The following CHST4 variants were observed in gnomAD, a reference collection of about 807,000 sequenced individuals.
The protein encoded by CHST4 is GST-3.
For synonymous variants in CHST4, 171 were observed against 195.5 expected, an observed-to-expected ratio of 0.87 and a Z score of 1.05; for missense variants, 466 against 506.0, an observed-to-expected ratio of 0.92 and a Z score of 0.76.
chr16:71,537,664 T>C lies in CHST4; in HGVS notation c.987T>C (p.Asn329=). ...ACACAAATGCCAGGGATGCCCTTAA[T>C]GTCTCCCAGGCTTGGCGCTGGTCTT... ...AFHTNARDAL[N]VSQAWRWSLP... Residue 329 remains asparagine, a synonymous_variant, in exon 2 of 2, where the codon AAT becomes AAC. Transcript: ENST00000539698. The surrounding 1 kb of genome is among the most constrained non-coding windows in gnomAD (Gnocchi z 4.2). 1.2e-6 allele frequency: 2 copies of C among 1,614,216 alleles called. No individual in the cohort carries two copies. The highest frequency in any genetic ancestry group is 1.7e-6 in the Non-Finnish European group (2 of 1,180,032).
Position 71,536,696 on chromosome 16 carries a change from A to G in CHST4, c.19A>G (p.Met7Val). 4.7e-6 allele frequency: 7 copies of G among 1,491,960 alleles called. No homozygotes were observed. The East Asian group carries it at 1.6e-4, about 35-fold the overall frequency. The allele number at this position is 1,491,960 out of a possible 1,614,324, so 92.4% of individuals were successfully genotyped here. A position where few individuals can be genotyped will look rare whatever the true frequency, so the allele number is the denominator to read the frequency against. Residue 7 changes from methionine to valine, a missense_variant, in exon 2 of 2, where the codon ATG (methionine) becomes GTG (valine). Met to Val is a conservative substitution (Grantham distance 21). Coordinates refer to ENST00000539698, the MANE Select transcript of CHST4 (RefSeq NM_001166395.2). MLLPKK[M>V]KLLLFLVSQM... ...CAGCACAATGCTACTGCCTAAAAAA[A>G]TGAAGCTCCTGCTGTTTCTGGTTTC...
chr16:71,534,098 G>T (rs1347210393), intron 1 of CHST4, among the ~76,000 whole-genome samples: 4 of 151,910 alleles, frequency 2.6e-5, no homozygotes, highest in African/African-American at 9.7e-5. Flanking sequence ...AGCCTGGGGT[G>T]TGTCAGGCTG....
intron 1 of CHST4, among the ~76,000 whole-genome samples, chr16:71,532,594 A>G (rs2043956901): frequency 6.6e-6 from 1 of 152,186 alleles, no homozygotes; most frequent in African/African-American, 2.4e-5. Context: ...GGGACTTCCA[A>G]GGAAAACCCA....
At chr16:71,534,348 CTTTT>C (rs548597955) in intron 1 of CHST4, among the ~76,000 whole-genome samples, 2 of 123,408 alleles carry the variant, frequency 1.6e-5, no homozygotes, top group African/African-American at 6.1e-5. Flanking sequence ...ACATTTCTTT[CTTTT>C]TTTTTTTTTT....
In CHST4 at chr16:71,537,197, G is replaced by A. The variant is rs376525237; in HGVS notation, c.520G>A (p.Val174Met). 8.7e-6 allele frequency: 14 copies of A among 1,614,064 alleles called. No individual in the cohort carries two copies. Among genetic ancestry groups the A allele is most frequent in the African/African-American group, 6.7e-5 (5 of 74,930 alleles). ...GAAGGCCTGCCGCTCCTACAGCCAC[G>A]TGGTGCTCAAGGAGGTGCGCTTCTT... ...VEKACRSYSH[V>M]VLKEVRFFNL... Residue 174 changes from valine to methionine, a missense_variant, in exon 2 of 2, where the codon GTG (valine) becomes ATG (methionine). Val to Met is a conservative substitution (Grantham distance 21). Transcript: ENST00000539698. This position sits in a 1 kb window ranked among gnomAD's most constrained non-coding sequence, Gnocchi z 4.2.
chr16:71,528,304 T>A (rs2043923050), intron 1 of CHST4, among the ~76,000 whole-genome samples: 1 of 151,746 alleles, frequency 6.6e-6, no homozygotes, highest in Non-Finnish European at 1.5e-5. Flanking sequence ...TTTCAGATGG[T>A]TGGGGGGCCT....
intron 1 of CHST4, among the ~76,000 whole-genome samples, chr16:71,536,240 C>G (rs2043987541): frequency 6.6e-6 from 1 of 152,194 alleles, no homozygotes; most frequent in Non-Finnish European, 1.5e-5. Context: ...CCCTCTGTCT[C>G]TGCAGGAATC....
In CHST4 at chr16:71,537,663, A is replaced by C. The variant is rs1457155272; in HGVS notation, c.986A>C (p.Asn329Thr). 6.2e-7 allele frequency: 1 copy of C among 1,614,032 alleles called. No individual in the cohort carries two copies. Among genetic ancestry groups the C allele is most frequent in the Non-Finnish European group, 8.5e-7 (1 of 1,180,032 alleles). ...AFHTNARDAL[N>T]VSQAWRWSLP... ...CACACAAATGCCAGGGATGCCCTTA[A>C]TGTCTCCCAGGCTTGGCGCTGGTCT... Residue 329 changes from asparagine (N) to threonine (T), a missense_variant, in exon 2 of 2, where the codon AAT becomes ACT. By Grantham distance (65) the Asn-to-Thr change is moderately conservative. Transcript: ENST00000539698. The surrounding 1 kb of genome is among the most constrained non-coding windows in gnomAD (Gnocchi z 4.2).
At position 71,537,472 on chromosome 16, in the gene CHST4, G is replaced by A. The variant is rs1244178854; in HGVS notation, c.795G>A (p.Lys265=). Reference sequence around the variant, plus strand: ...ACAAGACCATCCAGTCCTTGCCCAAGGCCCTGCAGGAACGCTACCTGCTTG... The same window carrying A: ...ACAAGACCATCCAGTCCTTGCCCAAAGCCCTGCAGGAACGCTACCTGCTTG... ...EIYKTIQSLP[K]ALQERYLLVR... is the part of the protein sequence containing the mutation. The change falls in exon 2 of 2, where the codon AAG becomes AAA. Residue 265 remains lysine, a synonymous_variant. Coordinates refer to ENST00000539698, the MANE Select transcript of CHST4 (RefSeq NM_001166395.2). This position sits in a 1 kb window ranked among gnomAD's most constrained non-coding sequence, Gnocchi z 4.2. The A allele has an allele frequency of 1.2e-6, 2 of 1,614,054 alleles. No homozygotes were observed. The highest frequency in any genetic ancestry group is 1.7e-6 in the Non-Finnish European group (2 of 1,180,048).
At position 71,526,499 on chromosome 16, in the gene CHST4, A is replaced by G. The variant is rs1056260077; in HGVS notation, c.-19+4A>G. 6.6e-6 allele frequency: 1 copy of G among 152,362 alleles called. No individual in the cohort carries two copies. The highest frequency in any genetic ancestry group is 2.4e-5 in the African/African-American group (1 of 41,454). The allele number at this position is 152,362 out of a possible 1,614,324, so 9.4% of individuals were successfully genotyped here. A position where few individuals can be genotyped will look rare whatever the true frequency, so the allele number is the denominator to read the frequency against. On this transcript the variant is annotated splice_donor_region_variant and intron_variant, in intron 1 of 1. Coordinates refer to ENST00000539698, the MANE Select transcript of CHST4 (RefSeq NM_001166395.2). ...GCAGGGAAGCCCAAGCCACAAGGTA[A>G]GAAGAGAATTTCTGTGTACGACTCC...
intron 1 of CHST4, among the ~76,000 whole-genome samples, chr16:71,529,064 G>A (rs1287526358): frequency 6.6e-6 from 1 of 151,298 alleles, no homozygotes. Flanking sequence ...TGGTGATGAT[G>A]GAATGTGCTG....
chr16:71,528,817 G>A (rs999924926), intron 1 of CHST4, among the ~76,000 whole-genome samples: 3 of 152,102 alleles, frequency 2.0e-5, no homozygotes, highest in African/African-American at 4.8e-5. Context: ...ACATGGTACC[G>A]ATTTGGGGGA....
Position 71,537,083 on chromosome 16 carries a change from C to T in CHST4, c.406C>T (p.Pro136Ser). The change falls in exon 2 of 2, where the codon CCT (proline) becomes TCT (serine). Residue 136 changes from proline to serine, a missense_variant. Physicochemically the swap from Pro to Ser is moderately conservative, Grantham distance 74 (BLOSUM62 -1). Coordinates refer to ENST00000539698, the MANE Select transcript of CHST4 (RefSeq NM_001166395.2). This position sits in a 1 kb window ranked among gnomAD's most constrained non-coding sequence, Gnocchi z 4.2. ...GAACAGCCGGGCCCTGTGTTCTGCACCTGCCTGTGACATCATCCCACAAGA... is the reference window on the plus strand; with the variant it reads ...GAACAGCCGGGCCCTGTGTTCTGCATCTGCCTGTGACATCATCCCACAAGA... ...WENSRALCSA[P>S]ACDIIPQDEI... 6.2e-7 allele frequency: 1 copy of T among 1,614,174 alleles called. No homozygotes were observed.
rs893017377 is a variant in CHST4 at position 71,537,953 on chromosome 16, T to C, written c.*115T>C. On this transcript the variant is annotated 3_prime_UTR_variant, in exon 2 of 2. Coordinates refer to ENST00000539698, the MANE Select transcript of CHST4 (RefSeq NM_001166395.2). The surrounding 1 kb of genome is among the most constrained non-coding windows in gnomAD (Gnocchi z 4.2). ...AACTACATGTCTGTGGGTATCACAC[T>C]GAGTGTGAGTTGTGTCCACACGTGC... is the stretch of plus-strand genomic sequence containing the variant. The C allele has an allele frequency of 3.1e-6, 3 of 953,300 alleles. No homozygotes were observed. Among genetic ancestry groups the C allele is most frequent in the Non-Finnish European group, 4.7e-6 (3 of 634,866 alleles). The allele number at this position is 953,300 out of a possible 1,614,324, so 59.1% of individuals were successfully genotyped here. A position where few individuals can be genotyped will look rare whatever the true frequency, so the allele number is the denominator to read the frequency against.
chr16:71,526,533 G>A (rs993823750), intron 1 of CHST4, 38 bp downstream of exon 1: 1 of 152,272 alleles, frequency 6.6e-6, no homozygotes, highest in Non-Finnish European at 1.5e-5. Flanking sequence ...CCAATGCAGA[G>A]CCATTACCCA....
intron 1 of CHST4, 38 bp from the exon 2 acceptor site, chr16:71,536,622 A>C: frequency 7.4e-7 from 1 of 1,353,222 alleles, no homozygotes; most frequent in Non-Finnish European, 9.6e-7. Flanking sequence ...ACAATAAAAC[A>C]GCAGCCCAAC....
In CHST4 at chr16:71,536,901, C is replaced by T; in HGVS notation, c.224C>T (p.Ala75Val). 1 of 1,599,230 alleles carries T rather than the reference C, an allele frequency of 6.3e-7. No homozygotes were observed. Among genetic ancestry groups the T allele is most frequent in the South Asian group, 1.1e-5 (1 of 88,880 alleles). Residue 75 changes from alanine (A) to valine (V), a missense_variant, in exon 2 of 2, where the codon GCC (alanine) becomes GTC (valine). By Grantham distance (64) the Ala-to-Val change is moderately conservative. Transcript: ENST00000539698. Reference sequence around the variant, plus strand: ...GATGTTTTCTACCTGATGGAGCCCGCCTGGCACGTGTGGATGACCTTCAAG... The same window carrying T: ...GATGTTTTCTACCTGATGGAGCCCGTCTGGCACGTGTGGATGACCTTCAAG... The part of the protein sequence containing the change: ...HPDVFYLMEP[A>V]WHVWMTFKQS...
At chr16:71,528,088 C>A (rs1411238097) in intron 1 of CHST4, among the ~76,000 whole-genome samples, 1 of 151,892 alleles carries the variant, frequency 6.6e-6, no homozygotes, top group African/African-American at 2.4e-5. Flanking sequence ...CCTGCCTGGC[C>A]AACATGGCAA....
At chr16:71,536,410 C>T (rs945821536) in intron 1 of CHST4, among the ~76,000 whole-genome samples, 2 of 152,120 alleles carry the variant, frequency 1.3e-5, no homozygotes, top group Non-Finnish European at 2.9e-5. Flanking sequence ...CAATGGGCAA[C>T]GTGGCTTGGT....
Sources: allele counts gnomAD v4.1 joint callset (sites outside exome capture counted in the v4.1 genomes callset), GRCh38; gene constraint gnomAD v4.1.1; non-coding constraint Gnocchi (gnomAD v3.1); transcripts MANE v1.5; gene names NCBI Gene and HGNC (gene_info 2026-07-23, HGNC 2026-07-21).